The following HPS4 variants were observed in gnomAD, a reference collection of about 807,000 sequenced individuals.
HPS4 encodes the protein BLOC-3 complex member HPS4.
In HPS4, 44 loss-of-function variants were observed where a neutral mutation model predicts 70.3. That is an observed-to-expected ratio of 0.63 (90% confidence interval 0.49 to 0.80). The LOEUF (loss-of-function observed/expected upper bound fraction) is 0.80. Ranked by LOEUF, HPS4 falls within the 30% of genes least tolerant of loss-of-function variation. The probability of loss-of-function intolerance (pLI) is 0.00; values close to 1 mark genes in which losing one functional copy is unlikely to be tolerated. For missense variants in HPS4, 873 were observed against 884.4 expected (o/e 0.99, Z 0.16); for synonymous variants, 377 against 355.9 (o/e 1.06, Z -0.67).
intron 1 of HPS4, chr22:26,482,823 C>A (rs1332793234): frequency 6.6e-6 from 1 of 152,244 alleles, no homozygotes; most frequent in Non-Finnish European, 1.5e-5. Context: ...AAACTAAAAT[C>A]TGCGTTCCAG....
intron 13 of HPS4, chr22:26,453,841 C>A (rs2085608634): frequency 4.0e-6 from 1 of 253,144 alleles, no homozygotes; most frequent in South Asian, 4.3e-5. Context: ...GCTGGGGCTG[C>A]CCTGCCTCTA....
downstream of HPS4, among the ~76,000 whole-genome samples, chr22:26,447,124 C>T (rs1162215857): frequency 6.6e-6 from 1 of 152,242 alleles, no homozygotes; most frequent in African/African-American, 2.4e-5. Flanking sequence ...GGGCTGGGCC[C>T]ATGATCCAGA....
chr22:26,460,792 G>C (rs938715420), intron 11 of HPS4, among the ~76,000 whole-genome samples: 4 of 152,182 alleles, frequency 2.6e-5, no homozygotes, highest in African/African-American at 7.2e-5. Flanking sequence ...CCTAAGAATG[G>C]TTTTTATATT....
chr22:26,443,332 T>C (rs967812327), downstream of HPS4: 9 of 762,870 alleles, frequency 1.2e-5, no homozygotes, highest in Middle Eastern at 2.5e-4. Context: ...AAGCTCTTAT[T>C]TGGGATTTTA....
chr22:26,451,997 C>T lies in HPS4; in HGVS notation c.*1236G>A, dbSNP rs1356149759. The T allele has an allele frequency of 4.8e-4, 15 of 31,200 alleles. 1 individual carries two copies. The highest frequency in any genetic ancestry group is 2.5e-3 in the East Asian group (5 of 1,990). The allele number at this position is 31,200 out of a possible 1,614,324, so 1.9% of individuals were successfully genotyped here. A position where few individuals can be genotyped will look rare whatever the true frequency, so the allele number is the denominator to read the frequency against. ...GATGCGCCCACGTTACGCGCGCGCG[C>T]GCGCGCGCACACACACACACACACA... is the stretch of plus-strand genomic sequence containing the variant. On this transcript the variant is annotated 3_prime_UTR_variant, in exon 14 of 14. Coordinates refer to ENST00000398145, the MANE Select transcript of HPS4 (RefSeq NM_022081.6).
At position 26,474,023 on chromosome 22, in the gene HPS4, T is replaced by C. The variant is rs113988112; in HGVS notation, c.277-1084A>G. 9.1e-3 allele frequency among the ~76,000 whole-genome samples: 1,391 copies of C among 152,332 alleles called. 24 individuals are homozygous for C. The highest frequency in any genetic ancestry group is 0.032 in the African/African-American group (1,331 of 41,586). On this transcript the variant is annotated intron_variant, in intron 4 of 13. Transcript: ENST00000398145. Reference sequence around the variant, plus strand: ...AGAAGTGTTCAATTCTTCCAATTGATGAACAGACTGAATGCAATTGCAATC... The same window carrying C: ...AGAAGTGTTCAATTCTTCCAATTGACGAACAGACTGAATGCAATTGCAATC...
chr22:26,463,585 G>C (rs2146523413), intron 11 of HPS4, among the ~76,000 whole-genome samples: 1 of 152,366 alleles, frequency 6.6e-6, no homozygotes, highest in Admixed American at 6.5e-5. Flanking sequence ...AGTTCACACA[G>C]CTAGAGGACA....
At chr22:26,443,337 AT>A, downstream of HPS4, 1 of 699,794 alleles carries the variant, frequency 1.4e-6, no homozygotes, top group Non-Finnish European at 2.4e-6. Flanking sequence ...CTTATTTGGG[AT>A]TTTATATCAT....
downstream of HPS4, among the ~76,000 whole-genome samples, chr22:26,446,276 C>A (rs1001040890): frequency 6.6e-6 from 1 of 152,170 alleles, no homozygotes; most frequent in African/African-American, 2.4e-5. Flanking sequence ...GTCTTCTGAT[C>A]CCAAACCCTT....
At chr22:26,455,487 A>G (rs2085931511) in intron 13 of HPS4, among the ~76,000 whole-genome samples, 1 of 150,500 alleles carries the variant, frequency 6.6e-6, no homozygotes, top group Non-Finnish European at 1.5e-5. Flanking sequence ...CAAGGACAAA[A>G]AACCAAACAC....
chr22:26,461,426 T>G (rs755525050), intron 11 of HPS4, among the ~76,000 whole-genome samples: 10 of 152,016 alleles, frequency 6.6e-5, no homozygotes, highest in Non-Finnish European at 1.5e-4. Context: ...TTCCACTCCC[T>G]CTGAGGGAAT....
chr22:26,460,980 A>G (rs1466290226), intron 11 of HPS4, among the ~76,000 whole-genome samples: 1 of 152,220 alleles, frequency 6.6e-6, no homozygotes, highest in Non-Finnish European at 1.5e-5. Context: ...AAAGCTGAAA[A>G]TATTTGCTTT....
chr22:26,445,786 C>T (rs2084933608), intron 3 of HPS4, among the ~76,000 whole-genome samples: 1 of 152,200 alleles, frequency 6.6e-6, no homozygotes, highest in Non-Finnish European at 1.5e-5. Flanking sequence ...ATCGGGACAG[C>T]AGTGGGTGTG....
Position 26,464,225 on chromosome 22 carries a change from A to C in HPS4, c.1405T>G (p.Leu469Val). 1 of 1,614,202 alleles carries C rather than the reference A, an allele frequency of 6.2e-7. No individual in the cohort carries two copies. Among genetic ancestry groups the C allele is most frequent in the Non-Finnish European group, 8.5e-7 (1 of 1,180,038 alleles). Residue 469 changes from leucine to valine, a missense_variant, in exon 11 of 14, where the codon TTG (leucine) becomes GTG (valine). By Grantham distance (32) the Leu-to-Val change is conservative. Transcript: ENST00000398145. ...DPLPRRTRRP[L>V]LLPRLDPGQR... ...CCTGGATCTAAGCGAGGCAATAACA[A>C]GGGCCTGCGGGTCCTTCTGGGGAGA...
chr22:26,448,904 C>T (rs985021863), downstream of HPS4, among the ~76,000 whole-genome samples: 4 of 152,210 alleles, frequency 2.6e-5, no homozygotes, highest in African/African-American at 7.2e-5. Flanking sequence ...TGTCTCCTCA[C>T]AGAGAGCCGG....
intron 10 of HPS4, 84 bp from the exon 11 acceptor site, chr22:26,464,910 G>A: frequency 7.5e-7 from 1 of 1,324,592 alleles, no homozygotes; most frequent in Non-Finnish European, 1.0e-6. Context: ...CTAAAGCACA[G>A]GCATCAAGGA....
At chr22:26,480,758 A>C (rs1016176455) in intron 2 of HPS4, among the ~76,000 whole-genome samples, 2 of 151,984 alleles carry the variant, frequency 1.3e-5, no homozygotes, top group African/African-American at 4.8e-5. Context: ...CTCCACAAAA[A>C]ACAGACAAAA....
chr22:26,443,862 T>G (rs561153294), downstream of HPS4: 1 of 152,368 alleles, frequency 6.6e-6, no homozygotes, highest in South Asian at 2.1e-4. Context: ...GTCAGGTCCC[T>G]GATGGCAAAA....
Position 26,472,902 on chromosome 22 carries a change from C to T in HPS4, c.314G>A (p.Cys105Tyr). ...AACTAGCTGATCCAGAAACCGCTTG[C>T]AGCTGACATCAGGGAGCTCCACAGC... ...GCAVELPDVSCKRFLDQLVGF... is the reference protein window; with the variant it reads ...GCAVELPDVSYKRFLDQLVGF... The change falls in exon 5 of 14, where the codon TGC (cysteine) becomes TAC (tyrosine). Residue 105 changes from cysteine (C) to tyrosine (Y), a missense_variant. Cys to Tyr is a radical substitution (Grantham distance 194, BLOSUM62 -2). Coordinates refer to ENST00000398145, the MANE Select transcript of HPS4 (RefSeq NM_022081.6). 1 of 1,614,212 alleles carries T rather than the reference C, an allele frequency of 6.2e-7. No homozygotes were observed. The highest frequency in any genetic ancestry group is 1.1e-5 in the South Asian group (1 of 91,090).
Sources: allele counts gnomAD v4.1 joint callset (sites outside exome capture counted in the v4.1 genomes callset), GRCh38; gene constraint gnomAD v4.1.1; transcripts MANE v1.5; gene names NCBI Gene and HGNC (gene_info 2026-07-23, HGNC 2026-07-21).